CELF4: variants seen among roughly 807,000 people sequenced by gnomAD.
CELF4 encodes the protein CUG-BP- and ETR-3-like factor 4.
Under a neutral mutation model 59.9 loss-of-function variants are expected in CELF4, and 18 were observed. That is an observed-to-expected ratio of 0.30 (90% CI 0.21 to 0.45). The LOEUF (loss-of-function observed/expected upper bound fraction) is 0.45, where lower values mean the gene tolerates loss of function less well. Ranked by LOEUF, CELF4 falls within the 20% of genes least tolerant of loss-of-function variation. The probability of loss-of-function intolerance (pLI) is 1.00; values close to 1 mark genes in which losing one functional copy is unlikely to be tolerated. For synonymous variants in CELF4, 261 were observed against 267.1 expected (o/e 0.98, Z 0.22); for missense variants, 456 against 689.0 (o/e 0.66, Z 3.79).
At chr18:37,485,649 C>G in intron 1 of CELF4, 42 bp from the exon 2 acceptor site, 1 of 1,306,510 alleles carries the variant, frequency 7.7e-7, no homozygotes, top group Non-Finnish European at 9.9e-7. Context: ...AGTGGGGCGC[C>G]CCCGGGCCCG....
intron 11 of CELF4, among the ~76,000 whole-genome samples, chr18:37,256,474 A>G (rs565407441): frequency 1.3e-5 from 2 of 152,230 alleles, no homozygotes; most frequent in Non-Finnish European, 1.5e-5. Context: ...CCCTGGGGCG[A>G]TGATTAAAAT....
intron 3 of CELF4, among the ~76,000 whole-genome samples, chr18:37,306,694 C>G (rs919764295): frequency 6.6e-6 from 1 of 152,098 alleles, no homozygotes; most frequent in Non-Finnish European, 1.5e-5. Flanking sequence ...CTTCAGTGGC[C>G]CCGATGGCAT....
At chr18:37,552,325 C>T (rs1568184023) in intron 1 of CELF4, among the ~76,000 whole-genome samples, 1 of 152,378 alleles carries the variant, frequency 6.6e-6, no homozygotes, top group South Asian at 2.1e-4. Flanking sequence ...TCTCCCCTGT[C>T]AGACCCTGGG....
At chr18:37,353,233 A>AAAAAAATATATATATATATATAT (rs71168258) in intron 2 of CELF4, among the ~76,000 whole-genome samples, 12 of 106,966 alleles carry the variant, frequency 1.1e-4, no homozygotes, top group Non-Finnish European at 1.5e-4. Flanking sequence ...AAAAAAAAAA[A>AAAAAAATATATATATATATATAT]ATATATATAT....
chr18:37,343,933 G>C (rs1035046003), intron 2 of CELF4, among the ~76,000 whole-genome samples: 4 of 152,048 alleles, frequency 2.6e-5, no homozygotes, highest in South Asian at 2.1e-4. Context: ...CACCCTGGCT[G>C]TTCCCTTTGC....
At chr18:37,283,685 C>T (rs1602494741) in intron 3 of CELF4, among the ~76,000 whole-genome samples, 2 of 151,986 alleles carry the variant, frequency 1.3e-5, no homozygotes, top group African/African-American at 4.8e-5. Context: ...ATGAGTGTTC[C>T]CTGGAGATGA....
At chr18:37,543,752 T>C (rs781571860) in intron 1 of CELF4, among the ~76,000 whole-genome samples, 1 of 152,248 alleles carries the variant, frequency 6.6e-6, no homozygotes, top group Non-Finnish European at 1.5e-5. Flanking sequence ...CTATTGGCAA[T>C]GAAAATATTT....
intron 1 of CELF4, among the ~76,000 whole-genome samples, chr18:37,565,046 T>G (rs1568447875): frequency 6.6e-6 from 1 of 152,010 alleles, no homozygotes; most frequent in Non-Finnish European, 1.5e-5. Flanking sequence ...CATCCCCATC[T>G]TTCAGGTCGC....
At chr18:37,281,202 A>T (rs1159887073) in intron 3 of CELF4, among the ~76,000 whole-genome samples, 1 of 152,206 alleles carries the variant, frequency 6.6e-6, no homozygotes, top group Non-Finnish European at 1.5e-5. Context: ...GCCACGTGGG[A>T]AGCATCTTGC....
intron 2 of CELF4, among the ~76,000 whole-genome samples, chr18:37,480,315 T>C (rs1191354134): frequency 2.0e-5 from 3 of 152,142 alleles, no homozygotes; most frequent in Non-Finnish European, 4.4e-5. Flanking sequence ...AAACCAACAC[T>C]GTGCCTACAG....
At chr18:37,353,233 A>AATATATATATAT (rs1557327923) in intron 2 of CELF4, among the ~76,000 whole-genome samples, 27 of 106,970 alleles carry the variant, frequency 2.5e-4, no homozygotes, top group African/African-American at 8.9e-4. Flanking sequence ...AAAAAAAAAA[A>AATATATATATAT]ATATATATAT....
chr18:37,464,608 A>T (rs575472530), intron 2 of CELF4, among the ~76,000 whole-genome samples: 15 of 152,102 alleles, frequency 9.9e-5, no homozygotes, highest in African/African-American at 3.6e-4. Context: ...TTGGGTGTGG[A>T]GGTGTGTTTC....
At position 37,501,581 on chromosome 18, in the gene CELF4, G is replaced by A. The variant is rs570737346; in HGVS notation, c.287-15974C>T. Among the ~76,000 whole-genome samples the A allele has an allele frequency of 2.6e-5, 4 of 152,394 alleles. No individual in the cohort carries two copies. In the East Asian group the frequency reaches 7.7e-4, roughly 29 times the overall value. ...GGGCCTGGGACAGAGGGATATGGAGGAAGCCAGGTAAGCTGGTGTGTGGCC... is the reference window on the plus strand; with the variant it reads ...GGGCCTGGGACAGAGGGATATGGAGAAAGCCAGGTAAGCTGGTGTGTGGCC... On this transcript the variant is annotated intron_variant, in intron 1 of 12. Transcript: ENST00000420428.
chr18:37,292,084 C>T (rs927276838), intron 3 of CELF4, among the ~76,000 whole-genome samples: 14 of 152,104 alleles, frequency 9.2e-5, no homozygotes, highest in South Asian at 2.1e-4. Flanking sequence ...TTTTCCACCA[C>T]GTGCAATTAC....
intron 3 of CELF4, among the ~76,000 whole-genome samples, chr18:37,275,478 C>A (rs1035681436): frequency 2.0e-5 from 3 of 152,014 alleles, no homozygotes; most frequent in African/African-American, 7.2e-5. Context: ...GGGACAGGTG[C>A]GGAGAGAGCT....
chr18:37,533,722 A>G (rs1297677296), intron 1 of CELF4, among the ~76,000 whole-genome samples: 2 of 152,244 alleles, frequency 1.3e-5, no homozygotes, highest in Non-Finnish European at 2.9e-5. Context: ...GTGAGAATGG[A>G]GGCCCACCTG....
intron 1 of CELF4, among the ~76,000 whole-genome samples, chr18:37,546,524 C>G (rs928513662): frequency 2.9e-4 from 44 of 152,306 alleles, no homozygotes; most frequent in African/African-American, 1.0e-3. Flanking sequence ...CCTCTGGACC[C>G]TGAGCTGGGA....
Position 37,253,888 on chromosome 18 carries a change from T to A in CELF4, c.1384A>T (p.Met462Leu). 6.2e-7 allele frequency: 1 copy of A among 1,608,778 alleles called. No homozygotes were observed. The highest frequency in any genetic ancestry group is 8.5e-7 in the Non-Finnish European group (1 of 1,177,834). Residue 462 changes from methionine (M) to leucine (L), a missense_variant, in exon 12 of 13, where the codon ATG (methionine) becomes TTG (leucine). Coordinates refer to ENST00000420428, the MANE Select transcript of CELF4 (RefSeq NM_020180.4). This position sits in a 1 kb window ranked among gnomAD's most constrained non-coding sequence, Gnocchi z 4.5. The stretch of plus-strand genomic sequence containing the variant: ...TTCATGCCGATCTGGAAGCCGTTCA[T>A]GGCCTGGATGGCGGTCTGCGCGCTG... ...PASAQTAIQAMNGFQIGMKRL... is the reference protein window; with the variant it reads ...PASAQTAIQALNGFQIGMKRL...
chr18:37,277,567 CAA>C (rs2093524024), intron 3 of CELF4, among the ~76,000 whole-genome samples: 1 of 151,982 alleles, frequency 6.6e-6, no homozygotes, highest in Admixed American at 6.5e-5. Flanking sequence ...GAAACACAGA[CAA>C]GAGAATCAGA....
Sources: allele counts gnomAD v4.1 joint callset (sites outside exome capture counted in the v4.1 genomes callset), GRCh38; gene constraint gnomAD v4.1.1; non-coding constraint Gnocchi (gnomAD v3.1); transcripts MANE v1.5; gene names NCBI Gene and HGNC (gene_info 2026-07-23, HGNC 2026-07-21).